The following PTPRK variants were observed in gnomAD, a reference collection of about 807,000 sequenced individuals.
PTPRK encodes protein tyrosine phosphatase receptor type K.
PTPRK carries 75 observed loss-of-function variants against 178.0 expected under a neutral mutation model. The ratio of observed to expected loss-of-function variants is 0.42; its 90% CI spans 0.35 to 0.51. The LOEUF (loss-of-function observed/expected upper bound fraction) is 0.51. Ranked by LOEUF, PTPRK falls within the 20% of genes least tolerant of loss-of-function variation. The probability of loss-of-function intolerance (pLI) is 0.02; values close to 1 mark genes in which losing one functional copy is unlikely to be tolerated. For missense variants in PTPRK, 1,441 were observed against 1,797.8 expected, an observed-to-expected ratio of 0.80 and a Z score of 3.59; for synonymous variants, 637 against 620.6, an observed-to-expected ratio of 1.03 and a Z score of -0.39.
intron 2 of PTPRK, among the ~76,000 whole-genome samples, chr6:128,396,949 G>A (rs1313036800): frequency 6.6e-6 from 1 of 152,172 alleles, no homozygotes; most frequent in Admixed American, 6.5e-5. Context: ...AGTGAGCAGA[G>A]ATCAGGCCAC....
chr6:128,383,828 C>T (rs1385098579), intron 2 of PTPRK, among the ~76,000 whole-genome samples: 2 of 151,980 alleles, frequency 1.3e-5, no homozygotes, highest in South Asian at 2.1e-4. Flanking sequence ...TCATTATAGC[C>T]ACAAAAGTAA....
intron 2 of PTPRK, among the ~76,000 whole-genome samples, chr6:128,330,609 G>A (rs985791869): frequency 6.6e-6 from 1 of 152,220 alleles, no homozygotes; most frequent in African/African-American, 2.4e-5. Context: ...AGGACAAATA[G>A]AATGGAATCC....
At position 128,391,428 on chromosome 6, in the gene PTPRK, T is replaced by G. The variant is rs1318340707; in HGVS notation, c.223+6138A>C. Among the ~76,000 whole-genome samples, 7 of 152,286 alleles carry G rather than the reference T, an allele frequency of 4.6e-5. No individual in the cohort carries two copies. In the South Asian group the frequency reaches 1.2e-3, roughly 27 times the overall value. On this transcript the variant is annotated intron_variant, in intron 2 of 29. Coordinates refer to ENST00000368226, the MANE Select transcript of PTPRK (RefSeq NM_002844.4). ...AAGTAAACCAACATTTTGGCCTGATTTTCTCAATCTCGTAATACAAAACTA... is the reference window on the plus strand; with the variant it reads ...AAGTAAACCAACATTTTGGCCTGATGTTCTCAATCTCGTAATACAAAACTA...
intron 1 of PTPRK, among the ~76,000 whole-genome samples, chr6:128,416,524 G>A (rs892673527): frequency 6.6e-6 from 1 of 151,594 alleles, no homozygotes; most frequent in African/African-American, 2.4e-5. Context: ...GCTGGCGCCT[G>A]TAGTCCCAGC....
intron 13 of PTPRK, among the ~76,000 whole-genome samples, chr6:128,034,278 T>C (rs980224568): frequency 2.0e-5 from 3 of 152,174 alleles, no homozygotes; most frequent in Admixed American, 6.5e-5. Context: ...ACTTCTCCCT[T>C]GTGTTTTCAG....
At chr6:128,336,439 A>G (rs3927672) in intron 2 of PTPRK, among the ~76,000 whole-genome samples, 151,665 of 152,284 alleles carry the variant, frequency 1, 75,525 homozygotes, top group Middle Eastern at 1. Flanking sequence ...TCAAGCACAG[A>G]TGTCCTTCCC....
intron 3 of PTPRK, among the ~76,000 whole-genome samples, chr6:128,276,620 A>C (rs1301589013): frequency 6.6e-6 from 1 of 152,162 alleles, no homozygotes; most frequent in Non-Finnish European, 1.5e-5. Context: ...CTCCCAGTGT[A>C]ATGTGATTCA....
intron 2 of PTPRK, among the ~76,000 whole-genome samples, chr6:128,340,413 C>A (rs538129350): frequency 6.6e-6 from 1 of 152,274 alleles, no homozygotes; most frequent in African/African-American, 2.4e-5. Context: ...GCAGACCCAG[C>A]AACTGGGTAA....
chr6:128,406,613 C>A (rs1312427927), intron 1 of PTPRK, among the ~76,000 whole-genome samples: 1 of 152,170 alleles, frequency 6.6e-6, no homozygotes, highest in Non-Finnish European at 1.5e-5. Flanking sequence ...ACAAGCAAAT[C>A]ATTTTGTTAA....
intron 11 of PTPRK, among the ~76,000 whole-genome samples, chr6:128,074,658 T>C (rs1445101742): frequency 6.6e-6 from 1 of 152,036 alleles, no homozygotes; most frequent in Non-Finnish European, 1.5e-5. Context: ...ATGTTCAGTT[T>C]TTAGAATGAT....
At chr6:128,338,353 GA>G (rs1831215239) in intron 2 of PTPRK, among the ~76,000 whole-genome samples, 2 of 152,226 alleles carry the variant, frequency 1.3e-5, no homozygotes, top group South Asian at 4.1e-4. Flanking sequence ...ATATACAAGA[GA>G]CAGGTATCCA....
intron 7 of PTPRK, among the ~76,000 whole-genome samples, chr6:128,135,723 T>C (rs1285681130): frequency 6.6e-6 from 1 of 152,120 alleles, no homozygotes; most frequent in Non-Finnish European, 1.5e-5. Context: ...ATGCTGTTGA[T>C]TTATAACAGT....
At chr6:128,310,196 T>C (rs1488984350) in intron 3 of PTPRK, among the ~76,000 whole-genome samples, 6 of 152,210 alleles carry the variant, frequency 3.9e-5, no homozygotes, top group Admixed American at 6.5e-5. Flanking sequence ...CTCCATAAGA[T>C]AGCTGATAGA....
chr6:128,306,954 T>C (rs776358107), intron 3 of PTPRK, among the ~76,000 whole-genome samples: 1 of 151,738 alleles, frequency 6.6e-6, no homozygotes, highest in Non-Finnish European at 1.5e-5. Context: ...TGGCATGAAA[T>C]AGGGTGGTAG....
intron 11 of PTPRK, among the ~76,000 whole-genome samples, chr6:128,072,042 A>T (rs1782917278): frequency 1.3e-5 from 2 of 152,042 alleles, no homozygotes; most frequent in Non-Finnish European, 1.5e-5. Flanking sequence ...ACTAAACTCT[A>T]GCTAGATCTA....
At chr6:128,463,025 C>A (rs1160721471) in intron 1 of PTPRK, among the ~76,000 whole-genome samples, 2 of 152,000 alleles carry the variant, frequency 1.3e-5, no homozygotes, top group South Asian at 2.1e-4. Context: ...ACACCTAGAA[C>A]CCCTATCACA....
At position 128,082,779 on chromosome 6, in the gene PTPRK, A is replaced by G. The variant is rs1041469315; in HGVS notation, c.1576-141T>C. ...TTTTCTTCTTTTCTTTCTCATGTTG[A>G]TATTGTTATTTCTGTCATTCTGAAG... is the stretch of plus-strand genomic sequence containing the variant. On this transcript the variant is annotated intron_variant, in intron 9 of 29. Transcript: ENST00000368226. The G allele has an allele frequency of 5.3e-6, 3 of 567,332 alleles. No homozygotes were observed. The Admixed American group carries it at 1.1e-4, about 20-fold the overall frequency. The allele number at this position is 567,332 out of a possible 1,614,324, so 35.1% of individuals were successfully genotyped here.
rs575056111 is a variant in PTPRK, at chr6:127,981,338, C to T, written c.3538-49G>A. 1.8e-5 allele frequency: 27 copies of T among 1,482,434 alleles called. No homozygotes were observed. In the South Asian group the frequency reaches 2.6e-4, roughly 14 times the overall value. 91.8% of individuals were successfully genotyped at this position (1,482,434 alleles called of 1,614,324 possible). On this transcript the variant is annotated intron_variant, in intron 24 of 29. Transcript: ENST00000368226. ...TTAAAAGACAGTGTGACCCATTTAA[C>T]AGTATAACACAGATCCATCAGGAAT...
intron 2 of PTPRK, among the ~76,000 whole-genome samples, chr6:128,340,306 C>T (rs2128330727): frequency 6.6e-6 from 1 of 152,256 alleles, no homozygotes. Context: ...ATAAACATGG[C>T]AACCAGACAG....
Sources: gnomAD v4.1 joint callset for allele counts (sites outside exome capture counted in the v4.1 genomes callset) on GRCh38, gnomAD v4.1.1 for gene constraint, MANE v1.5 for transcripts, NCBI Gene and HGNC (gene_info 2026-07-23, HGNC 2026-07-21) for gene names.